ESYT3: variants seen among roughly 807,000 people sequenced by gnomAD.
ESYT3 encodes the protein extended synaptotagmin-3.
Under a neutral mutation model 111.5 loss-of-function variants are expected in ESYT3, and 101 were observed. The ratio of observed to expected loss-of-function variants is 0.91; its 90% CI spans 0.77 to 1.07. The LOEUF is 1.07. ESYT3 is among the 50% of genes least tolerant of loss of function. The pLI is 0.00. For missense variants in ESYT3, 1,097 were observed against 1,109.4 expected (o/e 0.99, Z 0.16); for synonymous variants, 416 against 446.8 (o/e 0.93, Z 0.87).
Position 138,478,397 on chromosome 3 carries a change from A to T in ESYT3, c.*1543A>T, listed in dbSNP as rs927793718. 3 of 152,174 alleles carry T rather than the reference A, an allele frequency of 2.0e-5. No homozygotes were observed. Among genetic ancestry groups the T allele is most frequent in the African/African-American group, 4.8e-5 (2 of 41,430 alleles). The allele number at this position is 152,174 out of a possible 1,614,324, so 9.4% of individuals were successfully genotyped here. On this transcript the variant is annotated 3_prime_UTR_variant, in exon 23 of 23. Coordinates refer to ENST00000389567, the MANE Select transcript of ESYT3 (RefSeq NM_031913.5). The stretch of plus-strand genomic sequence containing the variant: ...TTAAATGGCAAATTCTCATAATAAA[A>T]TGGAGCATTGATGCCTACCCTGTCT...
intron 12 of ESYT3, 42 bp from the exon 13 acceptor site, chr3:138,468,613 T>C: frequency 6.2e-7 from 1 of 1,606,488 alleles, no homozygotes; most frequent in Non-Finnish European, 8.5e-7. Context: ...CTTTGTGTCC[T>C]GCTGCTGGGA....
chr3:138,466,231 G>A (rs1245793962), intron 10 of ESYT3, among the ~76,000 whole-genome samples: 3 of 152,172 alleles, frequency 2.0e-5, no homozygotes, highest in Admixed American at 1.3e-4. Flanking sequence ...TGTTAACACC[G>A]CTTATCTCAG....
intron 1 of ESYT3, among the ~76,000 whole-genome samples, chr3:138,447,154 C>G (rs1485750005): frequency 6.6e-6 from 1 of 152,104 alleles, no homozygotes; most frequent in Non-Finnish European, 1.5e-5. Flanking sequence ...TTTAATACAT[C>G]CCTTTCTGAA....
intron 2 of ESYT3, among the ~76,000 whole-genome samples, chr3:138,454,332 G>A (rs1232742351): frequency 6.6e-6 from 1 of 152,070 alleles, no homozygotes; most frequent in African/African-American, 2.4e-5. Context: ...GAGGCCAGGA[G>A]TTCAAGACCA....
chr3:138,439,581 C>T (rs1172606141), intron 1 of ESYT3, among the ~76,000 whole-genome samples: 4 of 152,184 alleles, frequency 2.6e-5, no homozygotes. Context: ...TGGATTTGTG[C>T]ACAGATCAGC....
At chr3:138,465,287 T>C in intron 9 of ESYT3, 52 bp from the exon 10 acceptor site, 1 of 1,400,914 alleles carries the variant, frequency 7.1e-7, no homozygotes, top group South Asian at 1.3e-5. Context: ...CTTTGGGTCA[T>C]ATGTCAGGTC....
At chr3:138,446,245 T>C (rs1447103355) in intron 1 of ESYT3, among the ~76,000 whole-genome samples, 1 of 152,206 alleles carries the variant, frequency 6.6e-6, no homozygotes, top group Non-Finnish European at 1.5e-5. Context: ...CCCTACATGA[T>C]GCTGTGTGAG....
intron 2 of ESYT3, among the ~76,000 whole-genome samples, chr3:138,452,481 A>C (rs893139967): frequency 2.0e-5 from 3 of 152,098 alleles, no homozygotes; most frequent in Admixed American, 1.3e-4. Flanking sequence ...AACACCTCTG[A>C]GCTGGCTTCC....
intron 12 of ESYT3, 90 bp from the exon 13 acceptor site, chr3:138,468,565 G>T: frequency 7.5e-7 from 1 of 1,335,914 alleles, no homozygotes; most frequent in Non-Finnish European, 1.1e-6. Context: ...AGGCTAGCTG[G>T]CTTTCTTCTG....
intron 6 of ESYT3, 135 bp from the exon 7 acceptor site, chr3:138,460,476 T>C: frequency 1.1e-6 from 1 of 935,718 alleles, no homozygotes; most frequent in Non-Finnish European, 1.7e-6. Flanking sequence ...GAGGGTGCTC[T>C]GCCTGCTTTC....
chr3:138,462,239 G>C, intron 8 of ESYT3, 33 bp downstream of exon 8: 11 of 1,613,894 alleles, frequency 6.8e-6, no homozygotes, highest in Non-Finnish European at 9.3e-6. Flanking sequence ...AGACCAGCCT[G>C]CTGGGAGGCA....
At chr3:138,470,205 G>T in intron 16 of ESYT3, 59 bp downstream of exon 16, 1 of 1,567,532 alleles carries the variant, frequency 6.4e-7, no homozygotes. Context: ...CAGGCGGGCT[G>T]GGAAGCTTGA....
intron 10 of ESYT3, among the ~76,000 whole-genome samples, chr3:138,466,752 TAAAGA>T (rs1389999633): frequency 6.6e-6 from 1 of 152,166 alleles, no homozygotes; most frequent in Non-Finnish European, 1.5e-5. Context: ...AGGTAATTTA[TAAAGA>T]AAAGAGAGTT....
At position 138,473,615 on chromosome 3, in the gene ESYT3, G is replaced by T. The variant is rs749946445; in HGVS notation, c.2317G>T (p.Val773Leu). ...TGTGTGTCTGCGGCGCTGCCTCAGC[G>T]TGCTAATCAATGGCTGCAGGTAAAG... ...RYVCLRRCLS[V>L]LINGCRNLTP... Residue 773 changes from valine (V) to leucine (L), a missense_variant, in exon 19 of 23, where the codon GTG (valine) becomes TTG (leucine). By Grantham distance (32) the Val-to-Leu change is conservative. Transcript: ENST00000389567. The T allele has an allele frequency of 1.2e-6, 2 of 1,613,632 alleles. No individual in the cohort carries two copies. The highest frequency in any genetic ancestry group is 1.7e-4 in the Middle Eastern group (1 of 6,060).
rs2031068901 is a variant in ESYT3 at position 138,440,544 on chromosome 3, T to TAAACATC, written c.327+5421_327+5427dup. On this transcript the variant is annotated intron_variant, in intron 1 of 22. Coordinates refer to ENST00000389567, the MANE Select transcript of ESYT3 (RefSeq NM_031913.5). The surrounding 1 kb of genome is among the most constrained non-coding windows in gnomAD (Gnocchi z 4.2). ...GAGCCAGGGCCGTGGAACCTGATTT[T>TAAACATC]AAACATCAGGACTGGTTGGGTGCTG... Among the ~76,000 whole-genome samples, 1 of 152,226 alleles carries TAAACATC rather than the reference T, an allele frequency of 6.6e-6. No individual in the cohort carries two copies. The highest frequency in any genetic ancestry group is 6.5e-5 in the Admixed American group (1 of 15,288).
At chr3:138,439,224 G>A (rs773791785) in intron 1 of ESYT3, among the ~76,000 whole-genome samples, 2 of 152,272 alleles carry the variant, frequency 1.3e-5, no homozygotes, top group African/African-American at 4.8e-5. Context: ...TCTGTTTCCC[G>A]GGCTTCCTAA....
At chr3:138,450,535 A>G (rs1032704333) in intron 1 of ESYT3, among the ~76,000 whole-genome samples, 3 of 152,232 alleles carry the variant, frequency 2.0e-5, no homozygotes, top group African/African-American at 7.2e-5. Flanking sequence ...CTGAGTTAGT[A>G]TAGGCCACTG....
At chr3:138,472,258 G>T (rs1049232993) in intron 17 of ESYT3, 105 bp from the exon 18 acceptor site, 1 of 1,434,010 alleles carries the variant, frequency 7.0e-7, no homozygotes, top group East Asian at 2.3e-5. Context: ...CCCTAGGAAG[G>T]GTCTTTATAA....
chr3:138,460,524 C>T, intron 6 of ESYT3, 87 bp from the exon 7 acceptor site: 11 of 1,416,032 alleles, frequency 7.8e-6, no homozygotes, highest in Non-Finnish European at 9.0e-6. Context: ...GTTCTCCATT[C>T]ACATGGGTGT....
Sources: gnomAD v4.1 joint callset for allele counts (sites outside exome capture counted in the v4.1 genomes callset) on GRCh38, gnomAD v4.1.1 for gene constraint, Gnocchi (gnomAD v3.1) non-coding constraint, MANE v1.5 for transcripts, NCBI Gene and HGNC (gene_info 2026-07-23, HGNC 2026-07-21) for gene names.